The following SNX10 variants were observed in gnomAD, a reference collection of about 807,000 sequenced individuals.
SNX10 encodes the protein sorting nexin-10.
SNX10 carries 25 observed loss-of-function variants against 28.5 expected under a neutral mutation model. The ratio of observed to expected loss-of-function variants is 0.88; its 90% CI spans 0.64 to 1.22. The LOEUF is 1.22. Ranked by LOEUF, SNX10 falls within the 50% of genes most tolerant of loss-of-function variation. The pLI is 0.00. For missense variants in SNX10, 223 were observed against 242.6 expected (o/e 0.92, Z 0.54); for synonymous variants, 62 against 81.4 (o/e 0.76, Z 1.28).
chr7:26,358,012 C>T (rs1178193057), intron 2 of SNX10, among the ~76,000 whole-genome samples: 1 of 151,998 alleles, frequency 6.6e-6, no homozygotes, highest in Non-Finnish European at 1.5e-5. Flanking sequence ...CAATAGTGTG[C>T]AAAGAACAAC....
intron 1 of SNX10, among the ~76,000 whole-genome samples, chr7:26,298,036 G>A (rs1786180578): frequency 6.6e-6 from 1 of 152,202 alleles, no homozygotes; most frequent in African/African-American, 2.4e-5. Flanking sequence ...TTCGAGACCA[G>A]CCTGGCCAAC....
chr7:26,303,631 G>A (rs1366447803), intron 1 of SNX10, among the ~76,000 whole-genome samples: 6 of 152,056 alleles, frequency 3.9e-5, no homozygotes, highest in Admixed American at 3.9e-4. Flanking sequence ...CAGCTCCTTG[G>A]GGCCTGTTCT....
chr7:26,310,476 T>C (rs1786783493), intron 1 of SNX10, among the ~76,000 whole-genome samples: 1 of 152,062 alleles, frequency 6.6e-6, no homozygotes, highest in Admixed American at 6.6e-5. Context: ...TGCGACAAAG[T>C]CCGAGGAGAA....
chr7:26,327,731 T>TC (rs1787559281), intron 1 of SNX10, among the ~76,000 whole-genome samples: 2 of 125,232 alleles, frequency 1.6e-5, no homozygotes, highest in East Asian at 3.2e-4. Context: ...CTTTTCTTTT[T>TC]TTTTTTTTTT....
chr7:26,341,845 A>G (rs543524133), intron 1 of SNX10, among the ~76,000 whole-genome samples: 14 of 151,998 alleles, frequency 9.2e-5, no homozygotes, highest in Non-Finnish European at 1.6e-4. Flanking sequence ...AAATCTATAC[A>G]AACCTAAAAT....
chr7:26,346,458 CA>C lies in SNX10; in HGVS notation c.17del (p.Gln6ArgfsTer6). The C allele has an allele frequency of 6.2e-7, 1 of 1,607,242 alleles. No homozygotes were observed. The highest frequency in any genetic ancestry group is 1.7e-4 in the Middle Eastern group (1 of 6,052). On this transcript the variant is annotated frameshift_variant, in exon 2 of 7. Transcript: ENST00000338523. LOFTEE classifies it high-confidence loss of function. ...TGTGCTGAAGATGTTTCCGGAACAA[CA>C]GAAAGAGGTATGTCATCACAAATCC... The part of the protein sequence containing the change: MFPEQ[Q>X]KEEFVSVWVR...
intron 3 of SNX10, among the ~76,000 whole-genome samples, chr7:26,362,860 T>TG (rs1235778302): frequency 6.6e-6 from 1 of 152,220 alleles, no homozygotes; most frequent in Non-Finnish European, 1.5e-5. Context: ...CCCCTGAACC[T>TG]GCCCTGCAAA....
At chr7:26,335,178 C>T (rs1787877333) in intron 1 of SNX10, among the ~76,000 whole-genome samples, 1 of 152,190 alleles carries the variant, frequency 6.6e-6, no homozygotes, top group Admixed American at 6.5e-5. Context: ...AAGCTGGCTC[C>T]TGTGATTCAG....
At position 26,355,772 on chromosome 7, in the gene SNX10, A is replaced by G. The variant is rs1407529030; in HGVS notation, c.25-5203A>G. Among the ~76,000 whole-genome samples, 4 of 152,220 alleles carry G rather than the reference A, an allele frequency of 2.6e-5. No homozygotes were observed. In the East Asian group the frequency reaches 7.7e-4, roughly 29 times the overall value. Reference sequence around the variant, plus strand: ...AAATTGCCTAATATTTATTATTAGTAAAAGAATCACGAGATAGAACATGTT... The same window carrying G: ...AAATTGCCTAATATTTATTATTAGTGAAAGAATCACGAGATAGAACATGTT... On this transcript the variant is annotated intron_variant, in intron 2 of 6. Coordinates refer to ENST00000338523, the MANE Select transcript of SNX10 (RefSeq NM_013322.3).
At position 26,360,993 on chromosome 7, in the gene SNX10, G is replaced by C. The variant is rs1329294019; in HGVS notation, c.43G>C (p.Val15Leu). 6.2e-7 allele frequency: 1 copy of C among 1,613,058 alleles called. No individual in the cohort carries two copies. The highest frequency in any genetic ancestry group is 8.5e-7 in the Non-Finnish European group (1 of 1,179,598). ...QQKEEFVSVWVRDPRIQKEDF... is the reference protein window; with the variant it reads ...QQKEEFVSVWLRDPRIQKEDF... ...ATTACAGGAATTTGTAAGTGTCTGG[G>C]TTCGAGATCCTAGGATTCAGAAGGA... Residue 15 changes from valine (V) to leucine (L), a missense_variant, in exon 3 of 7, where the codon GTT (valine) becomes CTT (leucine). By Grantham distance (32) the Val-to-Leu change is conservative. Coordinates refer to ENST00000338523, the MANE Select transcript of SNX10 (RefSeq NM_013322.3).
chr7:26,295,656 G>C (rs572839436), intron 1 of SNX10, among the ~76,000 whole-genome samples: 2 of 152,318 alleles, frequency 1.3e-5, no homozygotes, highest in South Asian at 2.1e-4. Context: ...AGTGGTGCCA[G>C]ATCAATCAAT....
chr7:26,357,893 G>A (rs1788888843), intron 2 of SNX10, among the ~76,000 whole-genome samples: 1 of 152,124 alleles, frequency 6.6e-6, no homozygotes, highest in Admixed American at 6.5e-5. Context: ...GATCAGGCTA[G>A]AGGCTGGATC....
At chr7:26,351,157 A>G (rs1274156636) in intron 2 of SNX10, among the ~76,000 whole-genome samples, 1 of 152,244 alleles carries the variant, frequency 6.6e-6, no homozygotes, top group Non-Finnish European at 1.5e-5. Context: ...ACACATTTCA[A>G]GAAATACTTC....
At chr7:26,309,342 A>T (rs1465409977) in intron 1 of SNX10, among the ~76,000 whole-genome samples, 1 of 150,738 alleles carries the variant, frequency 6.6e-6, no homozygotes, top group Non-Finnish European at 1.5e-5. Flanking sequence ...TAGGTATTAG[A>T]ACTCAAGGAG....
rs1584186860 is a variant in SNX10, at chr7:26,372,707, GTTGT to G, written c.*138_*141del. Reference sequence around the variant, plus strand: ...GTATTTAAATTCTTAAAGATGTTGGGTTGTTTATTAGTGGTATTTTTATGTTGTC... The same window carrying G: ...GTATTTAAATTCTTAAAGATGTTGGGTTATTAGTGGTATTTTTATGTTGTC... On this transcript the variant is annotated 3_prime_UTR_variant, in exon 7 of 7. Coordinates refer to ENST00000338523, the MANE Select transcript of SNX10 (RefSeq NM_013322.3). 3 of 608,750 alleles carry G rather than the reference GTTGT, an allele frequency of 4.9e-6. No individual in the cohort carries two copies. The East Asian group carries it at 8.2e-5, about 17-fold the overall frequency. 37.7% of individuals were successfully genotyped at this position (608,750 alleles called of 1,614,324 possible).
intron 1 of SNX10, among the ~76,000 whole-genome samples, chr7:26,324,623 C>T (rs776598297): frequency 2.0e-5 from 3 of 152,094 alleles, no homozygotes; most frequent in Non-Finnish European, 4.4e-5. Flanking sequence ...GGCCTCCCAA[C>T]ATCCTGGGAT....
intron 2 of SNX10, chr7:26,360,611 T>C (rs1476000191): frequency 4.4e-6 from 1 of 227,066 alleles, no homozygotes; most frequent in Non-Finnish European, 8.5e-6. Flanking sequence ...TTTAGAGAGA[T>C]GAAGAAAGTA....
In SNX10 at chr7:26,364,826, G is replaced by T. The variant is rs894902413; in HGVS notation, c.212+191G>T. 1.7e-4 allele frequency among the ~76,000 whole-genome samples: 26 copies of T among 152,056 alleles called. No homozygotes were observed. Among genetic ancestry groups the T allele is most frequent in the African/African-American group, 5.8e-4 (24 of 41,388 alleles). On this transcript the variant is annotated intron_variant, in intron 4 of 6. Transcript: ENST00000338523. This position sits in a 1 kb window ranked among gnomAD's most constrained non-coding sequence, Gnocchi z 4.9. ...ACTTAAATTTCACCAACTTTGATGG[G>T]TATAGGCCATGAAAGGCCTCAGAAA...
In SNX10 at chr7:26,346,451, G is replaced by A. The variant is rs748148687; in HGVS notation, c.9G>A (p.Pro3=). Residue 3 remains proline (P), a synonymous_variant, in exon 2 of 7, where the codon CCG becomes CCA. Coordinates refer to ENST00000338523, the MANE Select transcript of SNX10 (RefSeq NM_013322.3). Reference sequence around the variant, plus strand: ...CGTGTCCTGTGCTGAAGATGTTTCCGGAACAACAGAAAGAGGTATGTCATC... The same window carrying A: ...CGTGTCCTGTGCTGAAGATGTTTCCAGAACAACAGAAAGAGGTATGTCATC... MF[P]EQQKEEFVSV... 119 of 1,608,530 alleles carry A rather than the reference G, an allele frequency of 7.4e-5. 2 individuals are homozygous for A. The South Asian group carries it at 1.1e-3, about 15-fold the overall frequency.
Sources: allele counts gnomAD v4.1 joint callset (sites outside exome capture counted in the v4.1 genomes callset), GRCh38; gene constraint gnomAD v4.1.1; non-coding constraint Gnocchi (gnomAD v3.1); transcripts MANE v1.5; gene names NCBI Gene and HGNC (gene_info 2026-07-23, HGNC 2026-07-21).